Variants in NDNF observed in about 807,000 individuals in gnomAD.
NDNF encodes protein NDNF.
A neutral mutation model predicts 42.0 loss-of-function variants in NDNF; 16 were observed. The ratio of observed to expected loss-of-function variants is 0.38; its 90% confidence interval spans 0.26 to 0.58. The LOEUF (loss-of-function observed/expected upper bound fraction) is 0.58. Among genes scored for constraint, NDNF ranks in the 20% least tolerant of loss-of-function variants. The pLI is 0.67. For missense variants in NDNF, 616 were observed against 666.2 expected (o/e 0.92, Z 0.83); for synonymous variants, 248 against 251.7 (o/e 0.99, Z 0.14).
chr4:121,039,176 CTATGTGTGTG>C (rs1726940833), intron 3 of NDNF, among the ~76,000 whole-genome samples: 4 of 13,372 alleles, frequency 3.0e-4, no homozygotes, highest in South Asian at 6.3e-3. Flanking sequence ...TATATAAAGA[CTATGTGTGTG>C]TGTGTGTATA....
chr4:121,039,912 A>T lies in NDNF; in HGVS notation c.313+18T>A. 6.2e-7 allele frequency: 1 copy of T among 1,609,644 alleles called. No homozygotes were observed. Among genetic ancestry groups the T allele is most frequent in the Non-Finnish European group, 8.5e-7 (1 of 1,178,266 alleles). ...CATCCATTCAAAGGTCCAGGGGCAGATCTATCCTGCTGCTTACCTGAGCCT... is the reference window on the plus strand; with the variant it reads ...CATCCATTCAAAGGTCCAGGGGCAGTTCTATCCTGCTGCTTACCTGAGCCT... On this transcript the variant is annotated intron_variant, in intron 3 of 3. Transcript: ENST00000379692.
Position 121,037,138 on chromosome 4 carries a change from C to A in NDNF, c.833G>T (p.Arg278Leu). Reference protein sequence around the residue: ...FQAKPSPKLGRHVYSRPKVDI... With the variant: ...FQAKPSPKLGLHVYSRPKVDI... ...AACCTTGGGCCTGGAGTAGACATGA[C>A]GCCCCAGTTTTGGAGAAGGCTTTGC... The change falls in exon 4 of 4, where the codon CGT becomes CTT. Residue 278 changes from arginine to leucine, a missense_variant. Transcript: ENST00000379692. 3 of 1,613,926 alleles carry A rather than the reference C, an allele frequency of 1.9e-6. No individual in the cohort carries two copies. The highest frequency in any genetic ancestry group is 1.1e-5 in the South Asian group (1 of 91,066).
intron 1 of NDNF, among the ~76,000 whole-genome samples, chr4:121,066,211 C>T (rs192359882): frequency 1.2e-4 from 19 of 152,174 alleles, no homozygotes; most frequent in Non-Finnish European, 2.1e-4. Context: ...TCATAGCACC[C>T]GAAGAACTAA....
In NDNF at chr4:121,036,693, TTTC is replaced by T; in HGVS notation, c.1275_1277del (p.Lys426del). On this transcript the variant is annotated inframe_deletion, in exon 4 of 4. Transcript: ENST00000379692. The stretch of plus-strand genomic sequence containing the variant: ...CTAGAATTTTCAACATAGATGCTCC[TTTC>T]TTGTTTCCTTTCAGTCGAACGAGGT... 6.2e-7 allele frequency: 1 copy of T among 1,614,168 alleles called. No homozygotes were observed. The highest frequency in any genetic ancestry group is 8.5e-7 in the Non-Finnish European group (1 of 1,180,030).
intron 1 of NDNF, among the ~76,000 whole-genome samples, chr4:121,065,423 G>A (rs1727483597): frequency 6.6e-6 from 1 of 151,682 alleles, no homozygotes; most frequent in Non-Finnish European, 1.5e-5. Context: ...CGATTTTAGA[G>A]GCAATGGGCA....
intron 2 of NDNF, among the ~76,000 whole-genome samples, chr4:121,044,208 G>A (rs902102112): frequency 6.6e-6 from 1 of 152,180 alleles, no homozygotes; most frequent in African/African-American, 2.4e-5. Context: ...ATGGAGATAA[G>A]ACTGGGCCAT....
intron 1 of NDNF, 116 bp from the exon 2 acceptor site, chr4:121,045,954 A>G (rs1164965661): frequency 2.1e-6 from 2 of 934,992 alleles, no homozygotes; most frequent in East Asian, 2.6e-5. Flanking sequence ...GGGACGCATC[A>G]TGTATTTTGG....
intron 1 of NDNF, among the ~76,000 whole-genome samples, chr4:121,048,989 T>C (rs1727143649): frequency 2.0e-5 from 3 of 152,202 alleles, no homozygotes; most frequent in South Asian, 4.1e-4. Context: ...TTTTCTCATT[T>C]TAAAAATGAT....
At chr4:121,039,713 C>T (rs16997649) in intron 3 of NDNF, among the ~76,000 whole-genome samples, 9,032 of 152,108 alleles carry the variant, frequency 0.059, 856 homozygotes, top group African/African-American at 0.2. Context: ...CTCCTCAAGC[C>T]GTCAATCCCT....
At chr4:121,063,169 T>C (rs962547605) in intron 1 of NDNF, among the ~76,000 whole-genome samples, 1 of 152,182 alleles carries the variant, frequency 6.6e-6, no homozygotes, top group African/African-American at 2.4e-5. Flanking sequence ...ATTAACATTA[T>C]AATGGAACAA....
At chr4:121,057,427 C>A (rs1471873380) in intron 1 of NDNF, among the ~76,000 whole-genome samples, 1 of 152,180 alleles carries the variant, frequency 6.6e-6, no homozygotes, top group African/African-American at 2.4e-5. Context: ...TCTGAGTTAA[C>A]TGCAACCATC....
chr4:121,043,949 A>G (rs769504273), intron 2 of NDNF, among the ~76,000 whole-genome samples: 2 of 152,228 alleles, frequency 1.3e-5, no homozygotes, highest in African/African-American at 2.4e-5. Flanking sequence ...CACAGACTCA[A>G]TTTTAGTCAG....
chr4:121,037,894 GT>G, intron 3 of NDNF: 1 of 382,110 alleles, frequency 2.6e-6, no homozygotes, highest in Non-Finnish European at 4.6e-6. Flanking sequence ...AATCCAATTA[GT>G]AAAAATTTTA....
At chr4:121,071,920 C>T (rs1212740653) in intron 1 of NDNF, 73 bp downstream of exon 1, 1 of 152,106 alleles carries the variant, frequency 6.6e-6, no homozygotes, top group Non-Finnish European at 1.5e-5. Flanking sequence ...CGTGAACGCT[C>T]CTTGTGCTAG....
At chr4:121,042,088 G>C (rs995722035) in intron 2 of NDNF, among the ~76,000 whole-genome samples, 1 of 152,088 alleles carries the variant, frequency 6.6e-6, no homozygotes, top group Admixed American at 6.5e-5. Flanking sequence ...GGCACTTATT[G>C]TTACTTGTGA....
chr4:121,057,239 TC>T (rs1358440542), intron 1 of NDNF, among the ~76,000 whole-genome samples: 1 of 151,986 alleles, frequency 6.6e-6, no homozygotes, highest in Non-Finnish European at 1.5e-5. Context: ...GGCTAAGTAG[TC>T]AAGAAACCCC....
Position 121,060,922 on chromosome 4 carries a change from T to C in NDNF, c.-2+11071A>G, listed in dbSNP as rs544292555. ...GTACAAGACAAAACCAAAATAGTAA[T>C]TTTTAAAAACTGTAATAAAGCTAAC... is the stretch of plus-strand genomic sequence containing the variant. On this transcript the variant is annotated intron_variant, in intron 1 of 3. Transcript: ENST00000379692. Among the ~76,000 whole-genome samples the C allele has an allele frequency of 1.4e-4, 21 of 152,300 alleles. No individual in the cohort carries two copies. The South Asian group carries it at 4.4e-3, about 32-fold the overall frequency.
At chr4:121,038,359 G>A (rs28593402) in intron 3 of NDNF, among the ~76,000 whole-genome samples, 2 of 131,104 alleles carry the variant, frequency 1.5e-5, no homozygotes, top group African/African-American at 2.8e-5. Context: ...CTCAAAATAA[G>A]ATAAAATAAA....
At chr4:121,042,317 T>A (rs6832987) in intron 2 of NDNF, among the ~76,000 whole-genome samples, 72,763 of 151,894 alleles carry the variant, frequency 0.48, 20,486 homozygotes, top group East Asian at 0.64. Flanking sequence ...ACACCTAGAG[T>A]CTCCTTCTAT....
Sources: gnomAD v4.1 joint callset for allele counts (sites outside exome capture counted in the v4.1 genomes callset) on GRCh38, gnomAD v4.1.1 for gene constraint, MANE v1.5 for transcripts, NCBI Gene and HGNC (gene_info 2026-07-23, HGNC 2026-07-21) for gene names.